SEPTIN9: variants seen among roughly 807,000 people sequenced by gnomAD.
SEPTIN9 encodes the protein septin 9.
SEPTIN9 carries 13 observed loss-of-function variants against 56.6 expected under a neutral mutation model. The observed-to-expected ratio is 0.23, with a 90% CI of 0.15 to 0.37. The LOEUF (loss-of-function observed/expected upper bound fraction) is 0.37. SEPTIN9 is among the 10% of genes least tolerant of loss of function. The pLI is 1.00. For synonymous variants in SEPTIN9, 332 were observed against 334.1 expected, an observed-to-expected ratio of 0.99 and a Z score of 0.07; for missense variants, 650 against 823.1, an observed-to-expected ratio of 0.79 and a Z score of 2.57.
chr17:77,373,720 C>T (rs2034807256), intron 2 of SEPTIN9: 4 of 1,301,706 alleles, frequency 3.1e-6, no homozygotes, highest in Admixed American at 7.2e-5. Context: ...CCCCCGGCCC[C>T]GTGCCCGCGC....
At chr17:77,466,654 G>C (rs571078080) in intron 3 of SEPTIN9, 3 of 922,800 alleles carry the variant, frequency 3.3e-6, no homozygotes, top group East Asian at 1.2e-4. Flanking sequence ...GGCACACAGG[G>C]TCGGGGCAGT....
At chr17:77,418,956 G>A (rs1226193874) in intron 3 of SEPTIN9, among the ~76,000 whole-genome samples, 3 of 152,138 alleles carry the variant, frequency 2.0e-5, no homozygotes, top group African/African-American at 7.2e-5. Context: ...GGGTCCCTGC[G>A]GGACAGATTT....
chr17:77,319,956 C>A lies in SEPTIN9; in HGVS notation c.76+12759C>A, dbSNP rs779080797. The A allele has an allele frequency of 3.3e-5, 38 of 1,167,448 alleles. No individual in the cohort carries two copies. The highest frequency in any genetic ancestry group is 3.8e-5 in the Non-Finnish European group (36 of 942,546). The allele number at this position is 1,167,448 out of a possible 1,614,324, so 72.3% of individuals were successfully genotyped here. A position where few individuals can be genotyped will look rare whatever the true frequency, so the allele number is the denominator to read the frequency against. ...CTCTGCAGCCACCGACCAGACCGGG[C>A]GGCCGGGACTCTGGGACTCTCGCAG... On this transcript the variant is annotated intron_variant, in intron 2 of 11. Coordinates refer to ENST00000427177, the MANE Select transcript of SEPTIN9 (RefSeq NM_001113491.2). The surrounding 1 kb of genome is among the most constrained non-coding windows in gnomAD (Gnocchi z 5.3).
Position 77,402,537 on chromosome 17 carries a change from C to A in SEPTIN9, c.555C>A (p.Pro185=). The A allele has an allele frequency of 6.2e-7, 1 of 1,608,122 alleles. No homozygotes were observed. ...VPTAPATDAA[P]KRVEIQMPKP... ...CTGCCCCTGCCACCGACGCAGCCCC[C>A]AAGAGGGTGGAGATCCAGATGCCCA... is the stretch of plus-strand genomic sequence containing the variant. Residue 185 remains proline (P), a synonymous_variant, in exon 3 of 12, where the codon CCC becomes CCA. Coordinates refer to ENST00000427177, the MANE Select transcript of SEPTIN9 (RefSeq NM_001113491.2). This position sits in a 1 kb window ranked among gnomAD's most constrained non-coding sequence, Gnocchi z 6.6.
intron 2 of SEPTIN9, chr17:77,377,352 G>A (rs2034968979): frequency 8.0e-6 from 1 of 125,268 alleles, no homozygotes; most frequent in African/African-American, 2.7e-5. Flanking sequence ...CGTGAATTCA[G>A]GCCAAATCTG....
chr17:77,385,409 G>A (rs2035301529), intron 2 of SEPTIN9, among the ~76,000 whole-genome samples: 1 of 151,988 alleles, frequency 6.6e-6, no homozygotes, highest in East Asian at 1.9e-4. Flanking sequence ...AGTAGAGACA[G>A]GGTTTCACCA....
Position 77,319,273 on chromosome 17 carries a change from T to C in SEPTIN9, c.76+12076T>C, listed in dbSNP as rs535019112. ...CACCTGCTCTGCTGAGCCCTTGGCC[T>C]CAGCATGGACCCTGACCATGTGCTG... On this transcript the variant is annotated intron_variant, in intron 2 of 11. Coordinates refer to ENST00000427177, the MANE Select transcript of SEPTIN9 (RefSeq NM_001113491.2). This position sits in a 1 kb window ranked among gnomAD's most constrained non-coding sequence, Gnocchi z 5.3. 6.1e-4 allele frequency among the ~76,000 whole-genome samples: 93 copies of C among 152,302 alleles called. No homozygotes were observed. The highest frequency in any genetic ancestry group is 1.1e-3 in the Non-Finnish European group (72 of 68,018).
intron 1 of SEPTIN9, chr17:77,294,969 A>G (rs1683413234): frequency 6.6e-6 from 1 of 152,204 alleles, no homozygotes; most frequent in South Asian, 2.1e-4. Context: ...ACTGAACTAT[A>G]CATGGAAATA....
intron 2 of SEPTIN9, among the ~76,000 whole-genome samples, chr17:77,398,776 G>A (rs967961901): frequency 6.6e-6 from 1 of 152,214 alleles, no homozygotes; most frequent in South Asian, 2.1e-4. Context: ...ACTCGCCTTT[G>A]AGCAGCGCCG....
Position 77,367,007 on chromosome 17 carries a change from C to T in SEPTIN9, c.77-35052C>T, listed in dbSNP as rs1418587952. Among the ~76,000 whole-genome samples the T allele has an allele frequency of 6.6e-6, 1 of 152,208 alleles. No individual in the cohort carries two copies. Among genetic ancestry groups the T allele is most frequent in the Non-Finnish European group, 1.5e-5 (1 of 68,044 alleles). On this transcript the variant is annotated intron_variant, in intron 2 of 11. Transcript: ENST00000427177. This position sits in a 1 kb window ranked among gnomAD's most constrained non-coding sequence, Gnocchi z 4.5. Reference sequence around the variant, plus strand: ...TCTGCACAAAGCAGGCTGGGGGGATCACTGGGAAGTCTGGGGAACAGATTG... The same window carrying T: ...TCTGCACAAAGCAGGCTGGGGGGATTACTGGGAAGTCTGGGGAACAGATTG...
In SEPTIN9 at chr17:77,449,701, G is replaced by T. The variant is rs528593780; in HGVS notation, c.722-32443G>T. Among the ~76,000 whole-genome samples, 1 of 152,262 alleles carries T rather than the reference G, an allele frequency of 6.6e-6. No homozygotes were observed. The highest frequency in any genetic ancestry group is 6.5e-5 in the Admixed American group (1 of 15,292). ...AGCGGTTTCTGGAGCTGCCCTTTAG[G>T]GGCCAGTGATGAGGGTGCCCTGGGC... On this transcript the variant is annotated intron_variant, in intron 3 of 11. Coordinates refer to ENST00000427177, the MANE Select transcript of SEPTIN9 (RefSeq NM_001113491.2). The surrounding 1 kb of genome is among the most constrained non-coding windows in gnomAD (Gnocchi z 4.6).
intron 3 of SEPTIN9, among the ~76,000 whole-genome samples, chr17:77,427,687 A>G (rs2036964893): frequency 6.6e-6 from 1 of 152,108 alleles, no homozygotes; most frequent in African/African-American, 2.4e-5. Flanking sequence ...TCCTTTTGCC[A>G]TCCACACTCT....
chr17:77,393,727 C>T (rs7206965), intron 2 of SEPTIN9, among the ~76,000 whole-genome samples: 6,871 of 152,224 alleles, frequency 0.045, 501 homozygotes, highest in African/African-American at 0.16. Context: ...GCTGGGATTA[C>T]AGGCATGCAC....
intron 2 of SEPTIN9, among the ~76,000 whole-genome samples, chr17:77,332,653 A>G (rs2033407964): frequency 6.6e-6 from 1 of 151,998 alleles, no homozygotes; most frequent in Admixed American, 6.6e-5. Flanking sequence ...CATCACTATC[A>G]CCCCAGTAAG....
intron 4 of SEPTIN9, among the ~76,000 whole-genome samples, chr17:77,485,158 A>ATGGGG (rs2039703278): frequency 2.4e-4 from 1 of 4,142 alleles, no homozygotes; most frequent in Non-Finnish European, 7.3e-4. Flanking sequence ...GATGGGGGTG[A>ATGGGG]TGATGGTAAT....
At chr17:77,404,074 C>T (rs143889013) in intron 3 of SEPTIN9, among the ~76,000 whole-genome samples, 42 of 152,288 alleles carry the variant, frequency 2.8e-4, no homozygotes, top group African/African-American at 9.1e-4. Flanking sequence ...CTCAGCATGA[C>T]GTCCTAAAGG....
Position 77,488,289 on chromosome 17 carries a change from A to G in SEPTIN9, c.1092A>G (p.Pro364=). ...VRMKLTVIDT[P]GFGDHINNEN... is the part of the protein sequence containing the mutation. ...TGAAGCTGACAGTGATTGACACACCAGGGTTCGGGGACCACATCAACAACG... is the reference window on the plus strand; with the variant it reads ...TGAAGCTGACAGTGATTGACACACCGGGGTTCGGGGACCACATCAACAACG... Residue 364 remains proline, a synonymous_variant, in exon 6 of 12, where the codon CCA becomes CCG. Transcript: ENST00000427177. 6.2e-7 allele frequency: 1 copy of G among 1,613,772 alleles called. No individual in the cohort carries two copies. The highest frequency in any genetic ancestry group is 1.3e-5 in the African/African-American group (1 of 75,066).
chr17:77,462,872 C>G, intron 3 of SEPTIN9, among the ~76,000 whole-genome samples: 1 of 151,598 alleles, frequency 6.6e-6, no homozygotes, highest in East Asian at 2.0e-4. Flanking sequence ...CAACTCCTGA[C>G]CTCAAGTGAT....
chr17:77,419,001 C>T (rs144371512), intron 3 of SEPTIN9, among the ~76,000 whole-genome samples: 63 of 152,294 alleles, frequency 4.1e-4, no homozygotes, highest in Non-Finnish European at 7.1e-4. Flanking sequence ...CATACCCTGG[C>T]CTCCCAAAGC....
Sources: gnomAD v4.1 joint callset for allele counts (sites outside exome capture counted in the v4.1 genomes callset) on GRCh38, gnomAD v4.1.1 for gene constraint, Gnocchi (gnomAD v3.1) non-coding constraint, MANE v1.5 for transcripts, NCBI Gene and HGNC (gene_info 2026-07-23, HGNC 2026-07-21) for gene names.